Variants in MRTFB observed in about 807,000 individuals in gnomAD.
MRTFB encodes the protein myocardin-related transcription factor B.
Under a neutral mutation model 104.2 loss-of-function variants are expected in MRTFB, and 29 were observed. The ratio of observed to expected loss-of-function variants is 0.28; its 90% CI spans 0.21 to 0.38. The LOEUF (loss-of-function observed/expected upper bound fraction) is 0.38. Among genes scored for constraint, MRTFB ranks in the 10% least tolerant of loss-of-function variants. The probability of loss-of-function intolerance (pLI) is 1.00; values close to 1 mark genes in which losing one functional copy is unlikely to be tolerated. For synonymous variants in MRTFB, 535 were observed against 519.5 expected, an observed-to-expected ratio of 1.03 and a Z score of -0.41; for missense variants, 1,270 against 1,341.6, an observed-to-expected ratio of 0.95 and a Z score of 0.83.
At chr16:14,089,679 T>C (rs1448748876) in intron 2 of MRTFB, among the ~76,000 whole-genome samples, 4 of 152,218 alleles carry the variant, frequency 2.6e-5, no homozygotes, top group Non-Finnish European at 1.5e-5. Flanking sequence ...GGTAACTCTG[T>C]ATTTAACTTT....
chr16:14,256,401 C>G (rs2043495964), intron 15 of MRTFB, among the ~76,000 whole-genome samples: 1 of 152,196 alleles, frequency 6.6e-6, no homozygotes, highest in African/African-American at 2.4e-5. Context: ...ACATTCCTCT[C>G]TGGGTTGGAT....
chr16:14,046,073 G>A, the MRTFB span, among the ~76,000 whole-genome samples: 2 of 152,188 alleles, frequency 1.3e-5, no homozygotes, highest in East Asian at 3.8e-4. Flanking sequence ...AAGAAAAACT[G>A]TGGGGTCCCT....
the MRTFB span, among the ~76,000 whole-genome samples, chr16:14,010,101 T>A: frequency 4.6e-5 from 7 of 152,132 alleles, no homozygotes; most frequent in Non-Finnish European, 1.0e-4. Flanking sequence ...CAAATCTTCC[T>A]GAAGGAGGGT....
intron 2 of MRTFB, among the ~76,000 whole-genome samples, chr16:14,109,347 TA>T (rs2036156130): frequency 6.6e-6 from 1 of 152,186 alleles, no homozygotes; most frequent in African/African-American, 2.4e-5. Flanking sequence ...CAAACGGATG[TA>T]CTCAGTTTAA....
At chr16:14,022,088 C>T in the MRTFB span, among the ~76,000 whole-genome samples, 1 of 152,184 alleles carries the variant, frequency 6.6e-6, no homozygotes, top group South Asian at 2.1e-4. Flanking sequence ...CAAAAAAAAT[C>T]CAGGATAATC....
At chr16:13,998,838 C>G in the MRTFB span, among the ~76,000 whole-genome samples, 1 of 129,762 alleles carries the variant, frequency 7.7e-6, no homozygotes, top group Non-Finnish European at 1.5e-5. Flanking sequence ...TGCCACTGCA[C>G]TCCAGCCTGA....
At chr16:14,100,995 C>T (rs945752363) in intron 2 of MRTFB, among the ~76,000 whole-genome samples, 3 of 152,092 alleles carry the variant, frequency 2.0e-5, no homozygotes, top group Admixed American at 6.6e-5. Flanking sequence ...TTTACCTTCT[C>T]AAAGAACCAG....
chr16:14,095,331 G>A (rs544778171), intron 2 of MRTFB, among the ~76,000 whole-genome samples: 1 of 152,280 alleles, frequency 6.6e-6, no homozygotes, highest in South Asian at 2.1e-4. Context: ...CCCTTGTAGA[G>A]GATTCAAGAT....
the MRTFB span, among the ~76,000 whole-genome samples, chr16:14,025,135 A>G: frequency 6.6e-6 from 1 of 152,256 alleles, no homozygotes; most frequent in African/African-American, 2.4e-5. Context: ...AAAAGCTTCA[A>G]GATAGACATG....
intron 9 of MRTFB, among the ~76,000 whole-genome samples, chr16:14,236,482 A>T (rs1476352873): frequency 9.2e-5 from 14 of 152,204 alleles, no homozygotes; most frequent in Non-Finnish European, 1.8e-4. Flanking sequence ...TAGGGTAAAC[A>T]GACAACCAAA....
chr16:14,054,023 A>G, the MRTFB span, among the ~76,000 whole-genome samples: 54 of 151,162 alleles, frequency 3.6e-4, no homozygotes, highest in African/African-American at 1.3e-3. Flanking sequence ...CATTTGAGAA[A>G]CCTCCTTACT....
At chr16:14,189,210 C>T (rs1369957025) in intron 3 of MRTFB, among the ~76,000 whole-genome samples, 2 of 152,176 alleles carry the variant, frequency 1.3e-5, no homozygotes, top group Admixed American at 6.5e-5. Context: ...TAGAAAGGCA[C>T]TTTTAAAATT....
intron 3 of MRTFB, among the ~76,000 whole-genome samples, chr16:14,189,993 T>A (rs1054266017): frequency 2.0e-5 from 3 of 152,198 alleles, no homozygotes; most frequent in Non-Finnish European, 4.4e-5. Context: ...TAGCAATACC[T>A]TTTGAAAATT....
intron 2 of MRTFB, among the ~76,000 whole-genome samples, chr16:14,110,922 A>T (rs988066849): frequency 2.6e-5 from 4 of 152,052 alleles, no homozygotes; most frequent in African/African-American, 9.7e-5. Flanking sequence ...TACTTCCATC[A>T]TGAGCATTTT....
intron 8 of MRTFB, among the ~76,000 whole-genome samples, chr16:14,232,416 G>C (rs1028175216): frequency 2.0e-5 from 3 of 152,350 alleles, no homozygotes; most frequent in Non-Finnish European, 4.4e-5. Context: ...GGCTTGGTTG[G>C]TCGGAGATTC....
chr16:14,129,924 G>GT (rs1414200780), intron 2 of MRTFB, among the ~76,000 whole-genome samples: 2 of 152,182 alleles, frequency 1.3e-5, no homozygotes, highest in Non-Finnish European at 2.9e-5. Flanking sequence ...TGCCTCCTGT[G>GT]TTCAAGCAAT....
At chr16:14,227,323 C>T (rs1447804178) in intron 8 of MRTFB, among the ~76,000 whole-genome samples, 1 of 152,010 alleles carries the variant, frequency 6.6e-6, no homozygotes, top group African/African-American at 2.4e-5. Context: ...AAGCCCAGCC[C>T]CTCCCCGCTC....
At chr16:14,015,201 G>T in the MRTFB span, among the ~76,000 whole-genome samples, 1 of 152,328 alleles carries the variant, frequency 6.6e-6, no homozygotes, top group African/African-American at 2.4e-5. Flanking sequence ...GAAACAAAAG[G>T]CTTGGAGGTG....
At chr16:14,012,393 G>A in the MRTFB span, among the ~76,000 whole-genome samples, 1 of 148,286 alleles carries the variant, frequency 6.7e-6, no homozygotes, top group Admixed American at 6.7e-5. Flanking sequence ...CTGCCTCCCG[G>A]GTTCAAGCGA....
Sources: allele counts gnomAD v4.1 joint callset (sites outside exome capture counted in the v4.1 genomes callset), GRCh38; gene constraint gnomAD v4.1.1; transcripts MANE v1.5; gene names NCBI Gene and HGNC (gene_info 2026-07-23, HGNC 2026-07-21).